Variants in DUSP14 observed in about 807,000 individuals in gnomAD.
DUSP14 encodes dual specificity phosphatase 14.
DUSP14 carries 5 observed loss-of-function variants against 13.2 expected under a neutral mutation model. That is an observed-to-expected ratio of 0.38 (90% CI 0.20 to 0.80). DUSP14 has a LOEUF of 0.80. DUSP14 is among the 30% of genes least tolerant of loss of function. The probability of loss-of-function intolerance (pLI) is 0.44; values close to 1 mark genes in which losing one functional copy is unlikely to be tolerated. For synonymous variants in DUSP14, 91 were observed against 103.4 expected (o/e 0.88, Z 0.73); for missense variants, 185 against 264.0 (o/e 0.70, Z 2.07).
upstream of DUSP14, chr17:37,489,712 A>G (rs2054011921): frequency 6.6e-6 from 1 of 151,462 alleles, no homozygotes; most frequent in East Asian, 2.0e-4. Flanking sequence ...CGCCCGGACC[A>G]CACCGCACGG....
intron 1 of DUSP14, among the ~76,000 whole-genome samples, chr17:37,505,389 A>G (rs566356505): frequency 3.9e-5 from 6 of 152,338 alleles, no homozygotes; most frequent in African/African-American, 1.4e-4. Flanking sequence ...AACTAGACAG[A>G]CATTTACTTT....
Position 37,489,900 on chromosome 17 carries a change from G to A in DUSP14, c.-239G>A, listed in dbSNP as rs1228365978. 1.6e-4 allele frequency: 24 copies of A among 147,010 alleles called. 1 individual carries two copies. The highest frequency in any genetic ancestry group is 1.2e-3 in the East Asian group (6 of 4,892). The allele number at this position is 147,010 out of a possible 1,614,324, so 9.1% of individuals were successfully genotyped here. ...GCGCGGCGCCCAGCCCGCAGAAGCCGGTGGCCGCGCAGGAGGACGGAGCCC... is the reference window on the plus strand; with the variant it reads ...GCGCGGCGCCCAGCCCGCAGAAGCCAGTGGCCGCGCAGGAGGACGGAGCCC... On this transcript the variant is annotated 5_prime_UTR_variant, in exon 1 of 3. Coordinates refer to ENST00000617516, the MANE Select transcript of DUSP14 (RefSeq NM_007026.4).
intron 2 of DUSP14, among the ~76,000 whole-genome samples, chr17:37,511,885 T>C (rs972693247): frequency 6.8e-6 from 1 of 146,346 alleles, no homozygotes; most frequent in Non-Finnish European, 1.5e-5. Context: ...CCTCCCAAAG[T>C]GCTGGGATTA....
chr17:37,489,888 C>A (rs1299016863), upstream of DUSP14: 1 of 148,250 alleles, frequency 6.7e-6, no homozygotes, highest in East Asian at 2.0e-4. Context: ...CGGCGCCCAG[C>A]CCGCAGAAGC....
chr17:37,506,158 G>A (rs528794415), intron 1 of DUSP14, among the ~76,000 whole-genome samples: 16 of 152,132 alleles, frequency 1.1e-4, no homozygotes, highest in African/African-American at 2.9e-4. Context: ...CCAGCTACTC[G>A]GGAGGCTGAG....
intron 1 of DUSP14, among the ~76,000 whole-genome samples, chr17:37,505,546 T>C (rs1384616830): frequency 6.6e-6 from 1 of 152,062 alleles, no homozygotes; most frequent in East Asian, 1.9e-4. Context: ...TCTGAAGCAC[T>C]GTTGTGGCCA....
In DUSP14 at chr17:37,489,908, C is replaced by G. The variant is rs1272904431; in HGVS notation, c.-231C>G. ...CCCAGCCCGCAGAAGCCGGTGGCCG[C>G]GCAGGAGGACGGAGCCCTAACCGCA... On this transcript the variant is annotated 5_prime_UTR_variant, in exon 1 of 3. Transcript: ENST00000617516. The G allele has an allele frequency of 7.0e-6, 1 of 143,780 alleles. No individual in the cohort carries two copies. The highest frequency in any genetic ancestry group is 1.5e-5 in the Non-Finnish European group (1 of 65,714). The allele number at this position is 143,780 out of a possible 1,614,324, so 8.9% of individuals were successfully genotyped here.
At chr17:37,511,603 T>TTTTTTTTTA (rs1232617543) in intron 2 of DUSP14, among the ~76,000 whole-genome samples, 13 of 142,444 alleles carry the variant, frequency 9.1e-5, no homozygotes, top group East Asian at 2.0e-4. Flanking sequence ...TTTTTTTTTT[T>TTTTTTTTTA]AGAAGCTGGG....
intron 1 of DUSP14, among the ~76,000 whole-genome samples, chr17:37,497,332 G>T (rs1346041909): frequency 6.6e-6 from 1 of 152,144 alleles, no homozygotes; most frequent in Non-Finnish European, 1.5e-5. Flanking sequence ...TAATAGAGAT[G>T]GGGTTTCACT....
intron 1 of DUSP14, among the ~76,000 whole-genome samples, chr17:37,504,910 G>A (rs1443447802): frequency 6.6e-6 from 1 of 151,794 alleles, no homozygotes; most frequent in Non-Finnish European, 1.5e-5. Context: ...TTTATATTTT[G>A]CGACAGAGTC....
At chr17:37,490,806 G>A (rs559254566) in intron 1 of DUSP14, among the ~76,000 whole-genome samples, 2 of 151,972 alleles carry the variant, frequency 1.3e-5, no homozygotes, top group African/African-American at 2.4e-5. Context: ...AAGAGAGGGG[G>A]GTGGAGAGCG....
At chr17:37,497,500 G>C (rs1478831220) in intron 1 of DUSP14, among the ~76,000 whole-genome samples, 1 of 152,128 alleles carries the variant, frequency 6.6e-6, no homozygotes, top group African/African-American at 2.4e-5. Context: ...GGTGGCTCAT[G>C]CCTGTAATCC....
At chr17:37,489,767 T>TC (rs2054012583), upstream of DUSP14, 1 of 138,066 alleles carries the variant, frequency 7.2e-6, no homozygotes, top group African/African-American at 2.6e-5. Flanking sequence ...GCCCCGCGCG[T>TC]CCCCCCGCCC....
intron 1 of DUSP14, among the ~76,000 whole-genome samples, chr17:37,492,321 T>A (rs2054034550): frequency 6.6e-6 from 1 of 151,006 alleles, no homozygotes. Flanking sequence ...ACAGGGAGAG[T>A]TGCTAAAGCA....
chr17:37,494,283 G>T (rs1368826659), intron 1 of DUSP14, among the ~76,000 whole-genome samples: 1 of 152,128 alleles, frequency 6.6e-6, no homozygotes, highest in Non-Finnish European at 1.5e-5. Context: ...GTGAGCCACC[G>T]CACCCAGCCT....
chr17:37,495,333 C>G (rs946204444), intron 1 of DUSP14, among the ~76,000 whole-genome samples: 10 of 152,200 alleles, frequency 6.6e-5, no homozygotes, highest in Non-Finnish European at 1.0e-4. Flanking sequence ...GTTGGGTCAG[C>G]TTTTCACACC....
At chr17:37,505,364 T>G (rs2054131374) in intron 1 of DUSP14, among the ~76,000 whole-genome samples, 1 of 152,160 alleles carries the variant, frequency 6.6e-6, no homozygotes, top group Non-Finnish European at 1.5e-5. Context: ...TGAGACTCGG[T>G]CTCAAAACAA....
intron 1 of DUSP14, among the ~76,000 whole-genome samples, chr17:37,499,647 A>G (rs2054092639): frequency 6.6e-6 from 1 of 152,140 alleles, no homozygotes; most frequent in African/African-American, 2.4e-5. Context: ...CTCCTGCCTC[A>G]GCCTCCCGAG....
chr17:37,506,298 C>CA (rs1288670111), intron 1 of DUSP14, among the ~76,000 whole-genome samples: 20 of 131,024 alleles, frequency 1.5e-4, no homozygotes, highest in East Asian at 2.3e-4. Context: ...AAAAAGAAAA[C>CA]AAAAAAACCC....
Sources: allele counts gnomAD v4.1 joint callset (sites outside exome capture counted in the v4.1 genomes callset), GRCh38; gene constraint gnomAD v4.1.1; transcripts MANE v1.5; gene names NCBI Gene and HGNC (gene_info 2026-07-23, HGNC 2026-07-21).